LLGL2: variants seen among roughly 807,000 people sequenced by gnomAD.
The protein encoded by LLGL2 is LLGL2, scribble cell polarity complex component.
Under a neutral mutation model 123.2 loss-of-function variants are expected in LLGL2, and 81 were observed. The ratio of observed to expected loss-of-function variants is 0.66; its 90% confidence interval spans 0.55 to 0.79. The LOEUF is 0.79. Among genes scored for constraint, LLGL2 ranks in the 30% least tolerant of loss-of-function variants. The pLI is 0.00. For missense variants in LLGL2, 1,273 were observed against 1,414.6 expected, an observed-to-expected ratio of 0.90 and a Z score of 1.61; for synonymous variants, 577 against 594.1, an observed-to-expected ratio of 0.97 and a Z score of 0.42.
At position 75,563,141 on chromosome 17, in the gene LLGL2, A is replaced by G; in HGVS notation, c.656A>G (p.Gln219Arg). The G allele has an allele frequency of 6.2e-7, 1 of 1,613,136 alleles. No homozygotes were observed. Among genetic ancestry groups the G allele is most frequent in the Non-Finnish European group, 8.5e-7 (1 of 1,180,010 alleles). Reference protein sequence around the residue: ...SRGLVVIWDLQGSRVLYHFLS... With the variant: ...SRGLVVIWDLRGSRVLYHFLS... ...GGCCTCGTTGTCATCTGGGACCTACAGGGCAGCCGCGTGCTCTACCACTTC... is the reference window on the plus strand; with the variant it reads ...GGCCTCGTTGTCATCTGGGACCTACGGGGCAGCCGCGTGCTCTACCACTTC... The change falls in exon 7 of 26, where the codon CAG becomes CGG. Residue 219 changes from glutamine (Q) to arginine (R), a missense_variant. By Grantham distance (43) the Gln-to-Arg change is conservative. Coordinates refer to ENST00000392550, the MANE Select transcript of LLGL2 (RefSeq NM_001031803.2).
chr17:75,540,841 C>T (rs111488569), intron 1 of LLGL2, among the ~76,000 whole-genome samples: 67 of 152,262 alleles, frequency 4.4e-4, no homozygotes, highest in African/African-American at 1.5e-3. Context: ...AGGGGCTCCA[C>T]GCTCACAAAC....
At chr17:75,538,522 A>T (rs1291201732) in intron 1 of LLGL2, 2 of 152,298 alleles carry the variant, frequency 1.3e-5, no homozygotes, top group South Asian at 2.1e-4. Flanking sequence ...TCATTCATTC[A>T]TTCAACAGAT....
At chr17:75,539,275 G>T (rs56075222) in intron 1 of LLGL2, among the ~76,000 whole-genome samples, 15,036 of 152,118 alleles carry the variant, frequency 0.099, 785 homozygotes, top group Non-Finnish European at 0.12. Flanking sequence ...TGCCCTGGCT[G>T]GTCTTGAACT....
rs1464169847 is a variant in LLGL2, at chr17:75,573,970, T to G, written c.2895T>G (p.Ser965Arg). The stretch of plus-strand genomic sequence containing the variant: ...CCCACAGGAACTCAGGGACTCAGAG[T>G]GATGGCGAGGGTAAGACAGGCCTCC... ...PSRARNSGTQ[S>R]DGEEKQPGLV... Residue 965 changes from serine (S) to arginine (R), a missense_variant, in exon 22 of 26, where the codon AGT becomes AGG. Coordinates refer to ENST00000392550, the MANE Select transcript of LLGL2 (RefSeq NM_001031803.2). 6.5e-7 allele frequency: 1 copy of G among 1,550,324 alleles called. No individual in the cohort carries two copies. Among genetic ancestry groups the G allele is most frequent in the Non-Finnish European group, 8.7e-7 (1 of 1,146,876 alleles).
rs373774180 is a variant in LLGL2 at position 75,543,444 on chromosome 17, G to T, written c.18G>T (p.Arg6Ser). 2 of 1,609,594 alleles carry T rather than the reference G, an allele frequency of 1.2e-6. No individual in the cohort carries two copies. Among genetic ancestry groups the T allele is most frequent in the Non-Finnish European group, 8.5e-7 (1 of 1,177,456 alleles). MRRFL[R>S]PGHDPVRERL... ...TAAGCAAAATGAGGCGGTTCCTGAG[G>T]CCAGGGCATGACCCTGTGCGGGAGA... is the stretch of plus-strand genomic sequence containing the variant. The change falls in exon 2 of 26, where the codon AGG (arginine) becomes AGT (serine). Residue 6 changes from arginine to serine, a missense_variant. Coordinates refer to ENST00000392550, the MANE Select transcript of LLGL2 (RefSeq NM_001031803.2).
At chr17:75,556,767 AT>A (rs1385248213) in intron 3 of LLGL2, among the ~76,000 whole-genome samples, 1 of 152,116 alleles carries the variant, frequency 6.6e-6, no homozygotes, top group African/African-American at 2.4e-5. Context: ...ATTTAAAAAA[AT>A]TTTTTTCGGC....
chr17:75,539,604 G>C (rs1409861219), intron 1 of LLGL2, among the ~76,000 whole-genome samples: 1 of 146,430 alleles, frequency 6.8e-6, no homozygotes, highest in East Asian at 2.0e-4. Flanking sequence ...CCATTTTCTG[G>C]TTACTTTTTT....
chr17:75,534,783 G>A (rs1336813587), intron 1 of LLGL2, among the ~76,000 whole-genome samples: 7 of 152,216 alleles, frequency 4.6e-5, no homozygotes, highest in Admixed American at 4.6e-4. Flanking sequence ...GCTTGGCAAA[G>A]GACTTGGACT....
chr17:75,573,959 G>C lies in LLGL2; in HGVS notation c.2884G>C (p.Gly962Arg), dbSNP rs1357583599. Residue 962 changes from glycine (G) to arginine (R), a missense_variant, in exon 22 of 26, where the codon GGG (glycine) becomes CGG (arginine). By Grantham distance (125) the Gly-to-Arg change is moderately radical (BLOSUM62 -2). Transcript: ENST00000392550. ...KKAPSRARNS[G>R]TQSDGEEKQP... is the part of the protein sequence containing the mutation. ...CTGTCTCTTCCCCCACAGGAACTCA[G>C]GGACTCAGAGTGATGGCGAGGGTAA... The C allele has an allele frequency of 6.4e-7, 1 of 1,550,734 alleles. No homozygotes were observed. Among genetic ancestry groups the C allele is most frequent in the African/African-American group, 1.4e-5 (1 of 73,058 alleles).
At position 75,528,185 on chromosome 17, in the gene LLGL2, G is replaced by T. The variant is rs147921007; in HGVS notation, c.-31+2360G>T. 9.4e-3 allele frequency among the ~76,000 whole-genome samples: 1,425 copies of T among 151,944 alleles called. 33 individuals are homozygous for T. The highest frequency in any genetic ancestry group is 0.066 in the East Asian group (337 of 5,110). ...GGCTGGAGTGCAGTGGCGAGATCTCGGCTCACTGCAAGCTCCTCCTCCTGG... is the reference window on the plus strand; with the variant it reads ...GGCTGGAGTGCAGTGGCGAGATCTCTGCTCACTGCAAGCTCCTCCTCCTGG... On this transcript the variant is annotated intron_variant, in intron 1 of 25. Transcript: ENST00000392550.
rs984298377 is a variant in LLGL2 at position 75,571,969 on chromosome 17, C to T, written c.2365C>T (p.Leu789Phe). 2.1e-5 allele frequency: 34 copies of T among 1,612,898 alleles called. No individual in the cohort carries two copies. Among genetic ancestry groups the T allele is most frequent in the Non-Finnish European group, 2.7e-5 (32 of 1,180,018 alleles). Residue 789 changes from leucine to phenylalanine, a missense_variant, in exon 19 of 26, where the codon CTT (leucine) becomes TTT (phenylalanine). Leu to Phe is a conservative substitution (Grantham distance 22). Transcript: ENST00000392550. The stretch of plus-strand genomic sequence containing the variant: ...GGTGCTCGACGGACACAGCGTACCC[C>T]TTCCCGAGCCCCTCGAAGTGGCCCA... The part of the protein sequence containing the change: ...ILVLDGHSVP[L>F]PEPLEVAHDL...
chr17:75,553,376 G>A (rs1212708413), intron 2 of LLGL2, among the ~76,000 whole-genome samples: 2 of 152,134 alleles, frequency 1.3e-5, no homozygotes, highest in Admixed American at 1.3e-4. Flanking sequence ...GGCACTTGTT[G>A]GAGCTCTCCT....
At chr17:75,563,839 A>G in intron 9 of LLGL2, 33 bp downstream of exon 9, 1 of 1,609,948 alleles carries the variant, frequency 6.2e-7, no homozygotes, top group Non-Finnish European at 8.5e-7. Flanking sequence ...TTTCCTCTCC[A>G]GAGCCTTCCT....
chr17:75,570,202 C>T lies in LLGL2; in HGVS notation c.1821C>T (p.Thr607=). The change falls in exon 15 of 26, where the codon ACC becomes ACT. Residue 607 remains threonine, a synonymous_variant. Coordinates refer to ENST00000392550, the MANE Select transcript of LLGL2 (RefSeq NM_001031803.2). ...HSEWRLVAFG[T]SHGFGLFDHQ... The stretch of plus-strand genomic sequence containing the variant: ...AGTGGCGGCTCGTGGCCTTCGGCAC[C>T]AGCCATGGCTTTGGCCTCTTTGACC... The T allele has an allele frequency of 1.9e-6, 3 of 1,595,358 alleles. No individual in the cohort carries two copies. The highest frequency in any genetic ancestry group is 8.5e-7 in the Non-Finnish European group (1 of 1,173,052).
intron 3 of LLGL2, among the ~76,000 whole-genome samples, chr17:75,557,034 C>CTTTTTTTTTTTTTTTTGTTTTTTTTTTT (rs2054943906): frequency 9.1e-6 from 1 of 109,890 alleles, no homozygotes; most frequent in African/African-American, 4.7e-5. Flanking sequence ...GTCTCAAAAA[C>CTTTTTTTTTTTTTTTTGTTTTTTTTTTT]TTTTTTTTTT....
intron 2 of LLGL2, among the ~76,000 whole-genome samples, chr17:75,547,644 G>C (rs1461477601): frequency 6.6e-6 from 1 of 152,108 alleles, no homozygotes; most frequent in Non-Finnish European, 1.5e-5. Flanking sequence ...GGCCAACATG[G>C]CGAAACCCCA....
At position 75,574,591 on chromosome 17, in the gene LLGL2, C is replaced by T. The variant is rs1568083604; in HGVS notation, c.2997-19C>T. The T allele has an allele frequency of 6.2e-7, 1 of 1,611,604 alleles. No homozygotes were observed. Among genetic ancestry groups the T allele is most frequent in the South Asian group, 1.1e-5 (1 of 90,730 alleles). On this transcript the variant is annotated intron_variant, in intron 24 of 25. Transcript: ENST00000392550. ...TGGAGGTCCCTGAGGCCATGACTCC[C>T]CTGTCTTTGCCTGTGCAGGAGCGGC...
upstream of LLGL2, among the ~76,000 whole-genome samples, chr17:75,525,451 G>A (rs1027571662): frequency 6.6e-6 from 1 of 151,900 alleles, no homozygotes. This position sits in a 1 kb window ranked among gnomAD's most constrained non-coding sequence, Gnocchi z 4.8. Flanking sequence ...GACACTGGGC[G>A]CGGCGCGCCG....
intron 10 of LLGL2, chr17:75,568,138 G>A: frequency 8.2e-7 from 1 of 1,223,138 alleles, no homozygotes. Context: ...CATCTGAGCA[G>A]GGAGAGCAGG....
Sources: allele counts gnomAD v4.1 joint callset (sites outside exome capture counted in the v4.1 genomes callset), GRCh38; gene constraint gnomAD v4.1.1; non-coding constraint Gnocchi (gnomAD v3.1); transcripts MANE v1.5; gene names NCBI Gene and HGNC (gene_info 2026-07-23, HGNC 2026-07-21).